CALML6: variants seen among roughly 807,000 people sequenced by gnomAD.
CALML6 encodes the protein calmodulin like 6, also known as calmodulin-like protein 6.
Under a neutral mutation model 25.0 loss-of-function variants are expected in CALML6, and 27 were observed. The ratio of observed to expected loss-of-function variants is 1.08; its 90% CI spans 0.80 to 1.49. CALML6 has a LOEUF of 1.49. CALML6 is among the 40% of genes most tolerant of loss of function. The pLI is 0.00. For missense variants in CALML6, 239 were observed against 232.7 expected, an observed-to-expected ratio of 1.03 and a Z score of -0.18; for synonymous variants, 97 against 87.2, an observed-to-expected ratio of 1.11 and a Z score of -0.63.
chr1:1,915,978 C>T, intron 2 of CALML6: 1 of 574,188 alleles, frequency 1.7e-6, no homozygotes, highest in Admixed American at 2.9e-5. Flanking sequence ...TGGCCCGGTG[C>T]TGGACTCTCC....
chr1:1,915,792 G>C, intron 2 of CALML6, 57 bp downstream of exon 2: 1 of 1,567,534 alleles, frequency 6.4e-7, no homozygotes, highest in East Asian at 2.3e-5. Flanking sequence ...GGTAGGTTGA[G>C]CTGGAACCTG....
In CALML6 at chr1:1,916,689, A is replaced by G. The variant is rs79330154; in HGVS notation, c.254-63A>G. 1,198 of 1,609,284 alleles carry G rather than the reference A, an allele frequency of 7.4e-4. 9 individuals are homozygous for G. In the African/African-American group the frequency reaches 0.014, roughly 18 times the overall value. Reference sequence around the variant, plus strand: ...TCAGGTGTCAGTGCCTACGGGGGGAAGAGGCAAAGCCCATGGGGAGTGCTG... The same window carrying G: ...TCAGGTGTCAGTGCCTACGGGGGGAGGAGGCAAAGCCCATGGGGAGTGCTG... On this transcript the variant is annotated intron_variant, in intron 3 of 5. Transcript: ENST00000307786.
chr1:1,915,800 C>T, intron 2 of CALML6, 65 bp downstream of exon 2: 4 of 1,535,018 alleles, frequency 2.6e-6, no homozygotes, highest in Non-Finnish European at 3.6e-6. Context: ...GAGCTGGAAC[C>T]TGGAGGTGCA....
intron 1 of CALML6, 187 bp from the exon 2 acceptor site, chr1:1,915,497 CA>C: frequency 7.6e-7 from 1 of 1,316,152 alleles, no homozygotes; most frequent in Non-Finnish European, 1.0e-6. Context: ...TCTTCAGGGT[CA>C]GGGGAAGCCC....
rs976873925 is a variant in CALML6 at position 1,915,690 on chromosome 1, C to G, written c.33C>G (p.Pro11=). The G allele has an allele frequency of 2.5e-6, 4 of 1,613,274 alleles. No individual in the cohort carries two copies. The highest frequency in any genetic ancestry group is 2.7e-5 in the African/African-American group (2 of 74,952). The change falls in exon 2 of 6, where the codon CCC becomes CCG. Residue 11 remains proline, a synonymous_variant. Coordinates refer to ENST00000307786, the MANE Select transcript of CALML6 (RefSeq NM_138705.4). MGLQQEISLQ[P]WCHHPAESCQ... Reference sequence around the variant, plus strand: ...CCCCAGCACTCTGCCCACAGCAGCCCTGGTGTCACCACCCTGCAGAATCCT... The same window carrying G: ...CCCCAGCACTCTGCCCACAGCAGCCGTGGTGTCACCACCCTGCAGAATCCT...
rs1449249931 is a variant in CALML6 at position 1,916,142 on chromosome 1, T to C, written c.79-299T>C. 1.4e-5 allele frequency: 6 copies of C among 425,534 alleles called. No individual in the cohort carries two copies. In the Admixed American group the frequency reaches 2.3e-4, roughly 16 times the overall value. The allele number at this position is 425,534 out of a possible 1,614,324, so 26.4% of individuals were successfully genotyped here. A position where few individuals can be genotyped will look rare whatever the true frequency, so the allele number is the denominator to read the frequency against. ...CCTCACCTGGTGTCCATTGCCAGGC[T>C]CCAGGGCCGCTGCCTGGCCCGCCTG... On this transcript the variant is annotated intron_variant, in intron 2 of 5. Coordinates refer to ENST00000307786, the MANE Select transcript of CALML6 (RefSeq NM_138705.4).
chr1:1,916,922 G>GA, intron 4 of CALML6, 26 bp downstream of exon 4: 1 of 1,601,860 alleles, frequency 6.2e-7, no homozygotes, highest in Non-Finnish European at 8.5e-7. Flanking sequence ...GGGGCGGGTG[G>GA]TGGGCGGGCA....
At position 1,917,070 on chromosome 1, in the gene CALML6, T is replaced by G; in HGVS notation, c.495T>G (p.Tyr165Ter). 1 of 1,610,470 alleles carries G rather than the reference T, an allele frequency of 6.2e-7. No homozygotes were observed. The highest frequency in any genetic ancestry group is 8.5e-7 in the Non-Finnish European group (1 of 1,178,790). Residue 165 changes from tyrosine to a stop codon, truncating the protein, a stop_gained, in exon 5 of 6, where the codon TAT (tyrosine) becomes TAG (stop). Transcript: ENST00000307786. LOFTEE classifies it high-confidence loss of function. ...AGGATGGGGACAGGACCATCGACTATGAGGGTGAGTGGCCTGGAGCCCTGG... is the reference window on the plus strand; with the variant it reads ...AGGATGGGGACAGGACCATCGACTAGGAGGGTGAGTGGCCTGGAGCCCTGG... Reference protein sequence around the residue: ...ADKDGDRTIDYEEFVAMMTGE... With the variant: ...ADKDGDRTID
At chr1:1,916,018 G>A (rs1218055283) in intron 2 of CALML6, 5 of 531,554 alleles carry the variant, frequency 9.4e-6, no homozygotes, top group Non-Finnish European at 1.7e-5. Flanking sequence ...CTGGAGCCCA[G>A]GGTTCTGCTT....
In CALML6 at chr1:1,917,201, T is replaced by G. The variant is rs778870400; in HGVS notation, c.*8T>G. ...TTCAAGCTGATCCAGTAGGTGCAGC[T>G]GCCGCAGCCGGGGGAGGCCTGCCCG... On this transcript the variant is annotated 3_prime_UTR_variant, in exon 6 of 6. Transcript: ENST00000307786. The G allele has an allele frequency of 1.9e-6, 3 of 1,593,666 alleles. No homozygotes were observed. Among genetic ancestry groups the G allele is most frequent in the East Asian group, 4.5e-5 (2 of 43,978 alleles).
Position 1,916,978 on chromosome 1 carries a change from G to C in CALML6, c.403G>C (p.Val135Leu). The change falls in exon 5 of 6, where the codon GTG becomes CTG. Residue 135 changes from valine (V) to leucine (L), a missense_variant. Val to Leu is a conservative substitution (Grantham distance 32). This residue lies in a region of CALML6 where 231 missense variants were observed against 210.9 expected (regional missense o/e 1.10). Coordinates refer to ENST00000307786, the MANE Select transcript of CALML6 (RefSeq NM_138705.4). ...GYIDWNTLKY[V>L]LMNAGEPLNE... is the part of the protein sequence containing the mutation. ...GCTCAGCGCCAGGCCCCGTAGGTAC[G>C]TGCTAATGAACGCAGGGGAGCCCCT... 6.2e-7 allele frequency: 1 copy of C among 1,610,832 alleles called. No homozygotes were observed. The highest frequency in any genetic ancestry group is 8.5e-7 in the Non-Finnish European group (1 of 1,178,284).
rs368936257 is a variant in CALML6, at chr1:1,915,435, C to T, written c.27+128C>T. Reference sequence around the variant, plus strand: ...CACGGGGAACAGCGTGTGTGAGGGTCCCGCCATGTCTCAGCCCTTTCCTGG... The same window carrying T: ...CACGGGGAACAGCGTGTGTGAGGGTTCCGCCATGTCTCAGCCCTTTCCTGG... On this transcript the variant is annotated intron_variant, in intron 1 of 5. Coordinates refer to ENST00000307786, the MANE Select transcript of CALML6 (RefSeq NM_138705.4). The T allele has an allele frequency of 3.2e-5, 47 of 1,476,590 alleles. 1 individual carries two copies. The highest frequency in any genetic ancestry group is 8.2e-5 in the Admixed American group (4 of 48,654). 91.5% of individuals were successfully genotyped at this position (1,476,590 alleles called of 1,614,324 possible).
In CALML6 at chr1:1,916,461, G is replaced by A; in HGVS notation, c.99G>A (p.Glu33=). Residue 33 remains glutamate (E), a synonymous_variant, in exon 3 of 6, where the codon GAG becomes GAA. Coordinates refer to ENST00000307786, the MANE Select transcript of CALML6 (RefSeq NM_138705.4). ...TGCAGACAGAGCGCCTGTCGGCTGA[G>A]CAGATCAAGGAGTACAAGGGAGTCT... ...TTDMTERLSA[E]QIKEYKGVFE... The A allele has an allele frequency of 6.5e-7, 1 of 1,546,346 alleles. No individual in the cohort carries two copies. The highest frequency in any genetic ancestry group is 8.7e-7 in the Non-Finnish European group (1 of 1,144,678).
In CALML6 at chr1:1,916,891, A is replaced by C; in HGVS notation, c.393A>C (p.Thr131=). 6.8e-7 allele frequency: 1 copy of C among 1,478,128 alleles called. No individual in the cohort carries two copies. The highest frequency in any genetic ancestry group is 9.2e-7 in the Non-Finnish European group (1 of 1,092,440). The allele number at this position is 1,478,128 out of a possible 1,614,324, so 91.6% of individuals were successfully genotyped here. ...KEGKGYIDWN[T]LKYVLMNAGE... ...GCAAGGGCTACATTGACTGGAACAC[A>C]CTCAAGTAGGGCCCGGGTTGGGGGC... is the stretch of plus-strand genomic sequence containing the variant. Residue 131 remains threonine (T), a synonymous_variant, in exon 4 of 6, where the codon ACA becomes ACC. Transcript: ENST00000307786.
Position 1,915,723 on chromosome 1 carries a change from A to C in CALML6, c.66A>C (p.Thr22=). The change falls in exon 2 of 6, where the codon ACA becomes ACC. Residue 22 remains threonine, a synonymous_variant. Coordinates refer to ENST00000307786, the MANE Select transcript of CALML6 (RefSeq NM_138705.4). ...ACCACCCTGCAGAATCCTGTCAGAC[A>C]ACCACCGACATGGTAAGGCTGCTCT... The part of the protein sequence containing the change: ...WCHHPAESCQ[T]TTDMTERLSA... 1 of 1,613,322 alleles carries C rather than the reference A, an allele frequency of 6.2e-7. No individual in the cohort carries two copies. The highest frequency in any genetic ancestry group is 8.5e-7 in the Non-Finnish European group (1 of 1,179,934).
At chr1:1,915,806 G>A in intron 2 of CALML6, 71 bp downstream of exon 2, 1 of 1,487,686 alleles carries the variant, frequency 6.7e-7, no homozygotes, top group South Asian at 1.1e-5. Flanking sequence ...GAACCTGGAG[G>A]TGCAATGACC....
chr1:1,915,761 G>C lies in CALML6; in HGVS notation c.78+26G>C, dbSNP rs1651087526. On this transcript the variant is annotated intron_variant, in intron 2 of 5. Transcript: ENST00000307786. ...GTAAGGCTGCTCTCTGTGCCCGATG[G>C]AGTCTCTGGTGGGCTGGCTGGGTAG... 3 of 1,611,962 alleles carry C rather than the reference G, an allele frequency of 1.9e-6. No homozygotes were observed. The African/African-American group carries it at 4.0e-5, about 22-fold the overall frequency.
Position 1,916,649 on chromosome 1 carries a change from C to T in CALML6, c.253+34C>T, listed in dbSNP as rs373605319. The stretch of plus-strand genomic sequence containing the variant: ...ATGGCTGGAGTGGGGTGGGCAGCCT[C>T]GGGGGGGCCCTGGGTCAGGTGTCAG... On this transcript the variant is annotated intron_variant, in intron 3 of 5. Transcript: ENST00000307786. 3.2e-5 allele frequency: 51 copies of T among 1,592,908 alleles called. 1 individual carries two copies. Among genetic ancestry groups the T allele is most frequent in the African/African-American group, 6.9e-5 (5 of 72,938 alleles).
intron 2 of CALML6, 131 bp downstream of exon 2, chr1:1,915,866 C>G (rs2102017733): frequency 2.3e-6 from 2 of 875,354 alleles, no homozygotes; most frequent in Middle Eastern, 4.4e-4. Context: ...GGGGGCCAAG[C>G]CCTGCTGCCA....
Sources: allele counts gnomAD v4.1 joint callset, GRCh38; gene constraint gnomAD v4.1.1; regional missense constraint gnomAD v4.1.1; transcripts MANE v1.5; gene names NCBI Gene and HGNC (gene_info 2026-07-23, HGNC 2026-07-21).